The following SLC24A4 variants were observed in gnomAD, a reference collection of about 807,000 sequenced individuals.
The protein encoded by SLC24A4 is solute carrier family 24 member 4.
SLC24A4 carries 53 observed loss-of-function variants against 79.0 expected under a neutral mutation model. The ratio of observed to expected loss-of-function variants is 0.67; its 90% confidence interval spans 0.54 to 0.84. The LOEUF (loss-of-function observed/expected upper bound fraction) is 0.84. Ranked by LOEUF, SLC24A4 falls within the 40% of genes least tolerant of loss-of-function variation. The pLI, the probability that SLC24A4 is intolerant of heterozygous loss-of-function variation, is 0.00. For missense variants in SLC24A4, 731 were observed against 822.0 expected (o/e 0.89, Z 1.35); for synonymous variants, 323 against 323.8 (o/e 1.00, Z 0.03).
chr14:92,444,269 A>G (rs1381050997), intron 7 of SLC24A4, among the ~76,000 whole-genome samples: 2 of 152,176 alleles, frequency 1.3e-5, no homozygotes, highest in African/African-American at 2.4e-5. Context: ...CAGTATGTAA[A>G]TGTTTTGGCA....
At chr14:92,406,799 T>TCG (rs113411221) in intron 2 of SLC24A4, among the ~76,000 whole-genome samples, 1 of 151,830 alleles carries the variant, frequency 6.6e-6, no homozygotes, top group Non-Finnish European at 1.5e-5. Context: ...AGGCTTGTGA[T>TCG]GGGGGGGTCT....
intron 12 of SLC24A4, among the ~76,000 whole-genome samples, chr14:92,474,863 A>ATATATATATATATATATACAT (rs36185636): frequency 1.7e-5 from 1 of 57,144 alleles, no homozygotes; most frequent in Admixed American, 2.1e-4. Context: ...ATATATATAT[A>ATATATATATATATATATACAT]TTTTTTTTTT....
chr14:92,484,935 T>C, intron 13 of SLC24A4: 1 of 955,504 alleles, frequency 1.0e-6, no homozygotes, highest in Non-Finnish European at 1.2e-6. Context: ...GCCCTTCTTG[T>C]GTCGAGTTAG....
chr14:92,386,952 C>T (rs902602105), intron 2 of SLC24A4, among the ~76,000 whole-genome samples: 3 of 152,138 alleles, frequency 2.0e-5, no homozygotes, highest in African/African-American at 7.2e-5. Context: ...AAATGCACTT[C>T]AACCTTGACC....
intron 2 of SLC24A4, among the ~76,000 whole-genome samples, chr14:92,426,252 A>G (rs574300380): frequency 3.9e-5 from 6 of 152,222 alleles, no homozygotes; most frequent in African/African-American, 1.4e-4. Flanking sequence ...AGGAGTAGGT[A>G]TTTGCATCTG....
intron 3 of SLC24A4, among the ~76,000 whole-genome samples, chr14:92,437,720 TGGCAGTGGATG>T (rs1892251673): frequency 6.6e-6 from 1 of 152,224 alleles, no homozygotes; most frequent in African/African-American, 2.4e-5. Flanking sequence ...CCATTTGTTT[TGGCAGTGGATG>T]GGCAGTTCGT....
rs913863868 is a variant in SLC24A4, at chr14:92,323,905, C to A, written c.75C>A (p.Phe25Leu). 3.1e-6 allele frequency: 5 copies of A among 1,609,804 alleles called. No homozygotes were observed. Among genetic ancestry groups the A allele is most frequent in the East Asian group, 2.2e-5 (1 of 44,820 alleles). Residue 25 changes from phenylalanine (F) to leucine (L), a missense_variant, in exon 1 of 17, where the codon TTC becomes TTA. Phe to Leu is a conservative substitution (Grantham distance 22, BLOSUM62 0). Coordinates refer to ENST00000532405, the MANE Select transcript of SLC24A4 (RefSeq NM_153646.4). This position sits in a 1 kb window ranked among gnomAD's most constrained non-coding sequence, Gnocchi z 4.9. ...AGATGCTGCCGCAGCAAGTCGGCTT[C>A]GTGTGCGCGGTGCTGGCCCTGGTGT... ...RREMLPQQVG[F>L]VCAVLALVCC...
intron 2 of SLC24A4, among the ~76,000 whole-genome samples, chr14:92,348,744 T>C (rs1231316770): frequency 6.6e-6 from 1 of 152,238 alleles, no homozygotes; most frequent in African/African-American, 2.4e-5. Flanking sequence ...TCTCTGTGCC[T>C]AATCTTCTGA....
intron 2 of SLC24A4, among the ~76,000 whole-genome samples, chr14:92,415,139 A>G (rs556995920): frequency 6.6e-6 from 1 of 152,276 alleles, no homozygotes; most frequent in South Asian, 2.1e-4. Flanking sequence ...GGCCTTGTTG[A>G]GAATTCTCCT....
Position 92,333,973 on chromosome 14 carries a change from C to T in SLC24A4, c.241+7995C>T, listed in dbSNP as rs560014841. On this transcript the variant is annotated intron_variant, in intron 2 of 16. Coordinates refer to ENST00000532405, the MANE Select transcript of SLC24A4 (RefSeq NM_153646.4). ...GCGGGGAGCAGAGGTGGAGAAAGCA[C>T]GAGAAATCAAGAGAAGGACAAGGGG... 4.6e-5 allele frequency among the ~76,000 whole-genome samples: 7 copies of T among 151,744 alleles called. No individual in the cohort carries two copies. In the South Asian group the frequency reaches 1.0e-3, roughly 23 times the overall value.
At chr14:92,330,389 G>A (rs914315059) in intron 2 of SLC24A4, among the ~76,000 whole-genome samples, 4 of 152,134 alleles carry the variant, frequency 2.6e-5, no homozygotes, top group African/African-American at 7.2e-5. Flanking sequence ...GATGTCTATG[G>A]AAAATTTATA....
intron 9 of SLC24A4, among the ~76,000 whole-genome samples, chr14:92,448,241 T>A (rs1892913320): frequency 6.6e-6 from 1 of 152,080 alleles, no homozygotes. Flanking sequence ...GTGCTGATGG[T>A]TGTAGAACAA....
At chr14:92,447,047 C>A (rs937717071) in intron 8 of SLC24A4, among the ~76,000 whole-genome samples, 2 of 152,212 alleles carry the variant, frequency 1.3e-5, no homozygotes, top group Non-Finnish European at 2.9e-5. Flanking sequence ...TCAGGCCACG[C>A]CACTAGCCTC....
intron 14 of SLC24A4, among the ~76,000 whole-genome samples, chr14:92,489,297 G>A (rs971522903): frequency 1.3e-5 from 2 of 152,114 alleles, no homozygotes; most frequent in African/African-American, 4.8e-5. Flanking sequence ...AAATTAGCCA[G>A]GCGTGGTGGT....
At chr14:92,395,450 C>CA (rs1412026477) in intron 2 of SLC24A4, among the ~76,000 whole-genome samples, 1 of 151,758 alleles carries the variant, frequency 6.6e-6, no homozygotes, top group African/African-American at 2.4e-5. Flanking sequence ...CACACACACA[C>CA]ACACACACAC....
At chr14:92,449,661 C>T (rs971415074) in intron 10 of SLC24A4, among the ~76,000 whole-genome samples, 19 of 152,302 alleles carry the variant, frequency 1.2e-4, no homozygotes, top group African/African-American at 4.1e-4. Context: ...GGATGGAGAA[C>T]GGCTCTGGAC....
chr14:92,323,091 C>CT (rs1555358164), upstream of SLC24A4: 2 of 138,552 alleles, frequency 1.4e-5, no homozygotes, highest in South Asian at 2.5e-4. The surrounding 1 kb of genome is among the most constrained non-coding windows in gnomAD (Gnocchi z 4.9). Context: ...CTGGGAAGGG[C>CT]GGGGGGTGAG....
At chr14:92,361,086 G>C (rs1887485053) in intron 2 of SLC24A4, among the ~76,000 whole-genome samples, 1 of 152,192 alleles carries the variant, frequency 6.6e-6, no homozygotes, top group Non-Finnish European at 1.5e-5. Context: ...GTAGACAACA[G>C]GAGGATCTTC....
At chr14:92,444,932 TAC>T (rs10548937) in intron 7 of SLC24A4, among the ~76,000 whole-genome samples, 16,445 of 142,702 alleles carry the variant, frequency 0.12, 1,124 homozygotes, top group East Asian at 0.31. Flanking sequence ...TACACACACA[TAC>T]ACACACACAC....
Sources: gnomAD v4.1 joint callset for allele counts (sites outside exome capture counted in the v4.1 genomes callset) on GRCh38, gnomAD v4.1.1 for gene constraint, Gnocchi (gnomAD v3.1) non-coding constraint, MANE v1.5 for transcripts, NCBI Gene and HGNC (gene_info 2026-07-23, HGNC 2026-07-21) for gene names.